Variants in PCDH11X observed in about 807,000 individuals in gnomAD.
The protein encoded by PCDH11X is protocadherin 11 X-linked, also known as protocadherin-11 X-linked.
PCDH11X carries 18 observed loss-of-function variants against 53.3 expected under a neutral mutation model. That is an observed-to-expected ratio of 0.34 (90% CI 0.23 to 0.50). PCDH11X has a LOEUF of 0.50. Among genes scored for constraint, PCDH11X ranks in the 20% least tolerant of loss-of-function variants. The pLI, the probability that PCDH11X is intolerant of heterozygous loss-of-function variation, is 0.98. For missense variants in PCDH11X, 570 were observed against 1,032.4 expected (o/e 0.55, Z 6.14); for synonymous variants, 279 against 393.3 (o/e 0.71, Z 3.44).
rs371147503 is a variant in PCDH11X, at chrX:91,914,339, C to T, written c.3033+35066C>T. Among the ~76,000 whole-genome samples the T allele has an allele frequency of 8.1e-5, 9 of 111,169 alleles. No individual in the cohort carries two copies. In the East Asian group the frequency reaches 2.0e-3, roughly 25 times the overall value. ...AGAAAAGTAATCCTGTTATAGAACA[C>T]GGTTCTATAACACCCCCAAAAGATC... On this transcript the variant is annotated intron_variant, in intron 6 of 10. Transcript: ENST00000682573.
intron 7 of PCDH11X, among the ~76,000 whole-genome samples, chrX:92,241,199 C>T (rs933089760): frequency 1.8e-5 from 2 of 111,137 alleles, no homozygotes; most frequent in African/African-American, 3.3e-5. Flanking sequence ...TTATAAATTA[C>T]GGTCAACTTG....
intron 9 of PCDH11X, among the ~76,000 whole-genome samples, chrX:92,397,492 C>T (rs770564208): frequency 3.5e-4 from 38 of 108,084 alleles, no homozygotes; most frequent in East Asian, 8.9e-4. Context: ...GGTGGGGGGA[C>T]GGAATCTCAC....
At position 92,075,241 on chromosome X, in the gene PCDH11X, G is replaced by A. The variant is rs763736687; in HGVS notation, c.3034-126134G>A. On this transcript the variant is annotated intron_variant, in intron 6 of 10. Transcript: ENST00000682573. ...TATAATAACCAGCCATGGTATTTCC[G>A]TAGGTCAGTGGGTCTCTGAAACTTT... 1.4e-4 allele frequency among the ~76,000 whole-genome samples: 15 copies of A among 110,511 alleles called. No homozygotes were observed. The East Asian group carries it at 1.4e-3, about 11-fold the overall frequency.
At chrX:92,458,572 A>G (rs1367567342) in intron 9 of PCDH11X, among the ~76,000 whole-genome samples, 1 of 111,240 alleles carries the variant, frequency 9.0e-6, no homozygotes, top group Admixed American at 9.6e-5. Context: ...TTTCACTCTC[A>G]ACCTCCATTG....
intron 1 of PCDH11X, among the ~76,000 whole-genome samples, chrX:91,786,032 A>G (rs1024160381): frequency 5.3e-5 from 6 of 112,334 alleles, no homozygotes; most frequent in African/African-American, 1.6e-4. Context: ...AAAACATGGG[A>G]AAAAGAGTAT....
At chrX:92,429,859 T>C (rs1464270135) in intron 9 of PCDH11X, among the ~76,000 whole-genome samples, 2 of 96,743 alleles carry the variant, frequency 2.1e-5, no homozygotes, top group East Asian at 6.3e-4. Context: ...AATATAAGTT[T>C]TCTTAAAACT....
intron 6 of PCDH11X, among the ~76,000 whole-genome samples, chrX:91,985,090 A>G (rs898378694): frequency 1.8e-5 from 2 of 112,195 alleles, no homozygotes; most frequent in Non-Finnish European, 3.8e-5. Context: ...TCTAAGTAAT[A>G]CACATAAAGC....
At chrX:92,171,579 C>A (rs1340361811) in intron 6 of PCDH11X, among the ~76,000 whole-genome samples, 1 of 111,197 alleles carries the variant, frequency 9.0e-6, no homozygotes, top group African/African-American at 3.3e-5. Flanking sequence ...CCTGCCTCAA[C>A]CTCCTGGGTA....
intron 10 of PCDH11X, among the ~76,000 whole-genome samples, chrX:92,507,484 CG>C (rs1232245810): frequency 9.0e-6 from 1 of 110,782 alleles, no homozygotes; most frequent in Non-Finnish European, 1.9e-5. Flanking sequence ...CTACTGTCCT[CG>C]GTTGGGCTAG....
chrX:92,330,820 T>A (rs2069446695), intron 8 of PCDH11X, among the ~76,000 whole-genome samples: 2 of 104,704 alleles, frequency 1.9e-5, no homozygotes, highest in African/African-American at 6.9e-5. Context: ...CAAACAAGCA[T>A]GCATACTGTA....
chrX:92,288,655 G>A, intron 8 of PCDH11X, among the ~76,000 whole-genome samples: 1 of 111,000 alleles, frequency 9.0e-6, no homozygotes. Flanking sequence ...TATTTTCATT[G>A]GTTAAATTTT....
chrX:91,848,509 A>G (rs1197855292), intron 5 of PCDH11X, among the ~76,000 whole-genome samples: 2 of 111,926 alleles, frequency 1.8e-5, no homozygotes, highest in Admixed American at 1.9e-4. Flanking sequence ...GGTGTCACCA[A>G]TAATCTAATT....
At chrX:92,299,584 A>G (rs1053649136) in intron 8 of PCDH11X, among the ~76,000 whole-genome samples, 1 of 111,242 alleles carries the variant, frequency 9.0e-6, no homozygotes, top group African/African-American at 3.3e-5. Flanking sequence ...CAGGTTTTTT[A>G]GTTTGTGTGC....
At position 91,825,547 on chromosome X, in the gene PCDH11X, G is replaced by A. The variant is rs1178766948; in HGVS notation, c.-44-9914G>A. The stretch of plus-strand genomic sequence containing the variant: ...CCCTGCTTCAGCTCGCGCACGGTGC[G>A]CGCACCCACTGACCTGCGCCCACTG... On this transcript the variant is annotated intron_variant, in intron 4 of 10. Coordinates refer to ENST00000682573, the MANE Select transcript of PCDH11X (RefSeq NM_032968.5). 9.9e-5 allele frequency among the ~76,000 whole-genome samples: 11 copies of A among 111,106 alleles called. No homozygotes were observed. In the East Asian group the frequency reaches 1.2e-3, roughly 12 times the overall value.
At chrX:92,560,056 C>T (rs1490073635) in intron 10 of PCDH11X, among the ~76,000 whole-genome samples, 1 of 111,634 alleles carries the variant, frequency 9.0e-6, no homozygotes, top group Non-Finnish European at 1.9e-5. Context: ...CTTCCTTCTT[C>T]TTAAGGCAAG....
intron 7 of PCDH11X, among the ~76,000 whole-genome samples, chrX:92,228,240 TA>T (rs1212785662): frequency 1.8e-5 from 2 of 111,839 alleles, no homozygotes; most frequent in Non-Finnish European, 3.8e-5. Flanking sequence ...GTATACTGAT[TA>T]ATTGAATGAC....
intron 6 of PCDH11X, among the ~76,000 whole-genome samples, chrX:92,086,715 G>T (rs190733005): frequency 9.0e-6 from 1 of 110,510 alleles, no homozygotes; most frequent in Admixed American, 9.7e-5. Context: ...GAAAGACAAC[G>T]ACCCAGATGT....
chrX:92,294,377 A>G (rs1185102587), intron 8 of PCDH11X, among the ~76,000 whole-genome samples: 1 of 111,541 alleles, frequency 9.0e-6, no homozygotes, highest in African/African-American at 3.3e-5. Context: ...TCCTGAACTC[A>G]GGCGACCCAC....
chrX:92,383,363 A>C (rs1486607666), intron 8 of PCDH11X, among the ~76,000 whole-genome samples: 1 of 107,360 alleles, frequency 9.3e-6, no homozygotes, highest in South Asian at 4.2e-4. Context: ...TTTGGGATAC[A>C]TGTGCAGAAC....
Sources: allele counts gnomAD v4.1 joint callset (sites outside exome capture counted in the v4.1 genomes callset), GRCh38; gene constraint gnomAD v4.1.1; transcripts MANE v1.5; gene names NCBI Gene and HGNC (gene_info 2026-07-23, HGNC 2026-07-21).